CTNNA1: variants seen among roughly 807,000 people sequenced by gnomAD.
The protein encoded by CTNNA1 is catenin alpha-1.
A neutral mutation model predicts 98.4 loss-of-function variants in CTNNA1; 37 were observed. The observed-to-expected ratio is 0.38, with a 90% CI of 0.29 to 0.49. The LOEUF is 0.49. CTNNA1 is among the 20% of genes least tolerant of loss of function. The pLI, the probability that CTNNA1 is intolerant of heterozygous loss-of-function variation, is 0.95. For synonymous variants in CTNNA1, 404 were observed against 413.2 expected, an observed-to-expected ratio of 0.98 and a Z score of 0.27; for missense variants, 761 against 1,147.2, an observed-to-expected ratio of 0.66 and a Z score of 4.86.
chr5:138,866,330 T>TTTA (rs1764786681), intron 7 of CTNNA1, among the ~76,000 whole-genome samples: 1 of 118,996 alleles, frequency 8.4e-6, no homozygotes, highest in Non-Finnish European at 1.9e-5. Flanking sequence ...TTATTTATTT[T>TTTA]GGTACAAATA....
rs1458820543 is a variant in CTNNA1 at position 138,770,981 on chromosome 5, A to G, written c.-2-10942A>G. 5.9e-5 allele frequency among the ~76,000 whole-genome samples: 9 copies of G among 151,656 alleles called. 1 individual carries two copies. The highest frequency in any genetic ancestry group is 5.9e-4 in the Admixed American group (9 of 15,222). On this transcript the variant is annotated intron_variant, in intron 1 of 17. Coordinates refer to ENST00000302763, the MANE Select transcript of CTNNA1 (RefSeq NM_001903.5). Reference sequence around the variant, plus strand: ...AAAAAAAAAACACAAAAACAAACGAACAAAAAACAGAAAGACCTCTAAGGA... The same window carrying G: ...AAAAAAAAAACACAAAAACAAACGAGCAAAAAACAGAAAGACCTCTAAGGA...
chr5:138,818,600 C>A (rs1002072161), intron 5 of CTNNA1, among the ~76,000 whole-genome samples: 1 of 152,174 alleles, frequency 6.6e-6, no homozygotes, highest in African/African-American at 2.4e-5. Flanking sequence ...AGTCTTCGTG[C>A]AGCTTCTTCA....
At chr5:138,813,212 G>A (rs540715643) in intron 5 of CTNNA1, among the ~76,000 whole-genome samples, 1 of 152,282 alleles carries the variant, frequency 6.6e-6, no homozygotes, top group Non-Finnish European at 1.5e-5. Flanking sequence ...CATCACTATC[G>A]TCTTCAGTGT....
At chr5:138,780,815 C>T (rs533747021) in intron 1 of CTNNA1, among the ~76,000 whole-genome samples, 1 of 152,338 alleles carries the variant, frequency 6.6e-6, no homozygotes, top group Non-Finnish European at 1.5e-5. Context: ...CACGCCCAGC[C>T]TTTAAGCTTT....
At chr5:138,833,205 G>C (rs1761451053) in intron 7 of CTNNA1, among the ~76,000 whole-genome samples, 1 of 152,172 alleles carries the variant, frequency 6.6e-6, no homozygotes, top group Admixed American at 6.5e-5. Flanking sequence ...AACTCCATTT[G>C]GTTTTGACCA....
At chr5:138,792,022 A>G (rs1756437886) in intron 3 of CTNNA1, among the ~76,000 whole-genome samples, 1 of 152,028 alleles carries the variant, frequency 6.6e-6, no homozygotes, top group Non-Finnish European at 1.5e-5. Context: ...CTCTTAGGGC[A>G]TTGTTATAAA....
chr5:138,839,026 T>G (rs1762046120), intron 7 of CTNNA1, among the ~76,000 whole-genome samples: 2 of 152,222 alleles, frequency 1.3e-5, no homozygotes, highest in Admixed American at 6.5e-5. Context: ...TTGTGTAATT[T>G]CCAAGTATTT....
chr5:138,785,156 G>T (rs1190678029), intron 3 of CTNNA1, among the ~76,000 whole-genome samples: 2 of 149,716 alleles, frequency 1.3e-5, no homozygotes, highest in South Asian at 2.1e-4. Flanking sequence ...CCGCCTCCCG[G>T]GTTCACGCCA....
Position 138,934,039 on chromosome 5 carries a change from G to C in CTNNA1, c.2671G>C (p.Val891Leu). 1 of 1,613,856 alleles carries C rather than the reference G, an allele frequency of 6.2e-7. No individual in the cohort carries two copies. Among genetic ancestry groups the C allele is most frequent in the Non-Finnish European group, 8.5e-7 (1 of 1,179,990 alleles). ...KIKRASQKKH[V>L]NPVQALSEFK... ...TAAACGGGCATCTCAGAAGAAGCAC[G>C]TGAACCCGGTGCAGGCCCTCAGCGA... Residue 891 changes from valine (V) to leucine (L), a missense_variant, in exon 18 of 18, where the codon GTG (valine) becomes CTG (leucine). Physicochemically the swap from Val to Leu is conservative, Grantham distance 32 (BLOSUM62 1). This residue lies in a region of CTNNA1 where 57 missense variants were observed against 90.9 expected (regional missense o/e 0.63). Transcript: ENST00000302763.
intron 5 of CTNNA1, among the ~76,000 whole-genome samples, chr5:138,821,478 G>A (rs1760037928): frequency 6.6e-6 from 1 of 152,144 alleles, no homozygotes; most frequent in Non-Finnish European, 1.5e-5. Flanking sequence ...TAATGTTACT[G>A]TCGGTGTTTT....
At chr5:138,894,994 C>T (rs142324045) in intron 9 of CTNNA1, among the ~76,000 whole-genome samples, 1 of 152,282 alleles carries the variant, frequency 6.6e-6, no homozygotes, top group East Asian at 1.9e-4. Flanking sequence ...ACCAGTTTTA[C>T]ATCCTTTGTA....
chr5:138,896,398 T>C (rs288002), intron 9 of CTNNA1, among the ~76,000 whole-genome samples: 39,243 of 152,128 alleles, frequency 0.26, 5,352 homozygotes, highest in Middle Eastern at 0.31. Flanking sequence ...TTTGTGATTT[T>C]ACTTAAAAGC....
At chr5:138,788,913 G>A (rs931566262) in intron 3 of CTNNA1, among the ~76,000 whole-genome samples, 2 of 152,190 alleles carry the variant, frequency 1.3e-5, no homozygotes, top group Non-Finnish European at 2.9e-5. Context: ...TACTTCTGTA[G>A]CTTCTTCCCT....
intron 7 of CTNNA1, among the ~76,000 whole-genome samples, chr5:138,852,197 GAGTAAT>G (rs1349285695): frequency 3.3e-5 from 5 of 152,320 alleles, no homozygotes; most frequent in African/African-American, 1.2e-4. Flanking sequence ...TTAAGTACTT[GAGTAAT>G]AGGGGTATGG....
chr5:138,874,651 G>A lies in CTNNA1; in HGVS notation c.1063-11561G>A, dbSNP rs28363436. On this transcript the variant is annotated intron_variant, in intron 7 of 17. Coordinates refer to ENST00000302763, the MANE Select transcript of CTNNA1 (RefSeq NM_001903.5). This position sits in a 1 kb window ranked among gnomAD's most constrained non-coding sequence, Gnocchi z 4.1. ...AAAAACAACCACCACCAACATTATA[G>A]CAAAAGATTTCACTGCATATAACTT... 656 of 828,112 alleles carry A rather than the reference G, an allele frequency of 7.9e-4. 3 individuals carry two copies. In the African/African-American group the frequency reaches 0.01, roughly 13 times the overall value. The allele number at this position is 828,112 out of a possible 1,614,324, so 51.3% of individuals were successfully genotyped here. A position where few individuals can be genotyped will look rare whatever the true frequency, so the allele number is the denominator to read the frequency against.
At chr5:138,755,465 C>T (rs1751529344) in intron 1 of CTNNA1, among the ~76,000 whole-genome samples, 1 of 152,130 alleles carries the variant, frequency 6.6e-6, no homozygotes, top group African/African-American at 2.4e-5. Context: ...TTTCCTCGCC[C>T]TCACTCTTTC....
At chr5:138,769,329 C>T (rs1371976111) in intron 1 of CTNNA1, among the ~76,000 whole-genome samples, 1 of 151,790 alleles carries the variant, frequency 6.6e-6, no homozygotes, top group Non-Finnish European at 1.5e-5. Flanking sequence ...GTTTCTCCTC[C>T]CTTAGTCCCA....
intron 16 of CTNNA1, chr5:138,932,062 T>C: frequency 1.3e-5 from 13 of 985,834 alleles, no homozygotes; most frequent in Non-Finnish European, 1.6e-5. Flanking sequence ...TTTACTCACT[T>C]GTCTTCCACC....
chr5:138,814,176 C>G (rs1026880912), intron 5 of CTNNA1, among the ~76,000 whole-genome samples: 1 of 151,626 alleles, frequency 6.6e-6, no homozygotes, highest in African/African-American at 2.4e-5. Context: ...CCTGGTTTTG[C>G]ATTTCTAGTA....
Sources: gnomAD v4.1 joint callset for allele counts (sites outside exome capture counted in the v4.1 genomes callset) on GRCh38, gnomAD v4.1.1 for gene constraint, gnomAD v4.1.1 regional missense constraint, Gnocchi (gnomAD v3.1) non-coding constraint, MANE v1.5 for transcripts, NCBI Gene and HGNC (gene_info 2026-07-23, HGNC 2026-07-21) for gene names.